The following RALGPS2 variants were observed in gnomAD, a reference collection of about 807,000 sequenced individuals.
RALGPS2 encodes Ral GEF with PH domain and SH3 binding motif 2.
A neutral mutation model predicts 86.8 loss-of-function variants in RALGPS2; 43 were observed. The observed-to-expected ratio is 0.50, with a 90% CI of 0.39 to 0.64. RALGPS2 has a LOEUF of 0.64. Ranked by LOEUF, RALGPS2 falls within the 30% of genes least tolerant of loss-of-function variation. The pLI is 0.00. For synonymous variants in RALGPS2, 243 were observed against 231.3 expected (o/e 1.05, Z -0.46); for missense variants, 536 against 694.6 (o/e 0.77, Z 2.57).
chr1:178,878,821 TTTAAG>T (rs1301439815), intron 9 of RALGPS2, 76 bp from the exon 10 acceptor site: 12 of 1,547,928 alleles, frequency 7.8e-6, no homozygotes, highest in Admixed American at 2.1e-5. Context: ...TTAATTTACC[TTTAAG>T]TTATTTTCAG....
intron 6 of RALGPS2, among the ~76,000 whole-genome samples, chr1:178,818,495 A>G (rs1477644877): frequency 6.6e-6 from 1 of 152,206 alleles, no homozygotes; most frequent in Non-Finnish European, 1.5e-5. Context: ...TGTACTTTGT[A>G]TGGTACAGGC....
At chr1:178,879,127 A>T (rs1163477305) in intron 10 of RALGPS2, 135 bp downstream of exon 10, 12 of 1,249,656 alleles carry the variant, frequency 9.6e-6, no homozygotes, top group Non-Finnish European at 4.2e-6. Flanking sequence ...CAGTAAAGGT[A>T]CTAACATGTA....
intron 1 of RALGPS2, among the ~76,000 whole-genome samples, chr1:178,738,097 C>G (rs1650823095): frequency 6.6e-6 from 1 of 150,702 alleles, no homozygotes; most frequent in Non-Finnish European, 1.5e-5. Flanking sequence ...GATTTTTGAA[C>G]AAGTAGTGAT....
intron 9 of RALGPS2, among the ~76,000 whole-genome samples, chr1:178,878,040 A>G (rs975866453): frequency 2.0e-5 from 3 of 152,142 alleles, no homozygotes; most frequent in Non-Finnish European, 2.9e-5. Flanking sequence ...TCCCTGATCT[A>G]TTATGTAAAT....
rs1656124619 is a variant in RALGPS2 at position 178,833,493 on chromosome 1, A to G, written c.550A>G (p.Lys184Glu). The G allele has an allele frequency of 1.3e-6, 2 of 1,534,042 alleles. No individual in the cohort carries two copies. The highest frequency in any genetic ancestry group is 1.7e-6 in the Non-Finnish European group (2 of 1,152,354). The change falls in exon 8 of 20, where the codon AAA (lysine) becomes GAA (glutamate). Residue 184 changes from lysine to glutamate, a missense_variant. Lys to Glu is a moderately conservative substitution (Grantham distance 56). This residue lies in a region of RALGPS2 where 184 missense variants were observed against 296.7 expected (regional missense o/e 0.62). Coordinates refer to ENST00000367635, the MANE Select transcript of RALGPS2 (RefSeq NM_152663.5). The part of the protein sequence containing the change: ...EYVMSKEDNY[K>E]RLRDYISSLK... ...TGTAATGAGTAAAGAAGATAACTAC[A>G]AAAGACTCAGAGACTATATAAGTAG...
chr1:178,738,923 A>G (rs542998157), intron 1 of RALGPS2, among the ~76,000 whole-genome samples: 61 of 152,238 alleles, frequency 4.0e-4, no homozygotes, highest in African/African-American at 1.3e-3. Context: ...TCCAGTCCTG[A>G]TTTAGATTTC....
At chr1:178,855,109 A>G (rs998953401) in intron 8 of RALGPS2, among the ~76,000 whole-genome samples, 3 of 152,092 alleles carry the variant, frequency 2.0e-5, no homozygotes, top group African/African-American at 7.2e-5. Flanking sequence ...TCTGTACTAT[A>G]AGGATAATAG....
chr1:178,754,230 T>A (rs1354101406), intron 1 of RALGPS2, among the ~76,000 whole-genome samples: 1 of 150,698 alleles, frequency 6.6e-6, no homozygotes, highest in Non-Finnish European at 1.5e-5. Context: ...GTATATATAT[T>A]TTATTATATA....
intron 8 of RALGPS2, among the ~76,000 whole-genome samples, chr1:178,845,150 T>C (rs1052820063): frequency 6.6e-6 from 1 of 152,032 alleles, no homozygotes. Flanking sequence ...ATCAGTAAAT[T>C]GTTGCAGTAC....
At chr1:178,856,200 G>GATATATATATATATAT (rs1348083361) in intron 8 of RALGPS2, among the ~76,000 whole-genome samples, 15 of 40,934 alleles carry the variant, frequency 3.7e-4, no homozygotes, top group African/African-American at 1.1e-3. Context: ...CAGAGAGAGA[G>GATATATATATATATAT]AGATATATAT....
At chr1:178,779,455 G>A (rs1320778463) in intron 2 of RALGPS2, among the ~76,000 whole-genome samples, 1 of 152,110 alleles carries the variant, frequency 6.6e-6, no homozygotes, top group Non-Finnish European at 1.5e-5. Context: ...GCCCCAGCTA[G>A]TTACTTAGGC....
At chr1:178,821,759 T>C (rs1336093097) in intron 7 of RALGPS2, 55 bp downstream of exon 7, 3 of 1,267,280 alleles carry the variant, frequency 2.4e-6, no homozygotes, top group Non-Finnish European at 3.4e-6. Flanking sequence ...AAAGGAAAGA[T>C]ATATTCATTT....
intron 6 of RALGPS2, among the ~76,000 whole-genome samples, chr1:178,821,211 A>G (rs565972513): frequency 6.6e-6 from 1 of 152,348 alleles, no homozygotes; most frequent in African/African-American, 2.4e-5. Context: ...AAACCAAATC[A>G]GAATCCTGGA....
In RALGPS2 at chr1:178,886,050, C is replaced by T. The variant is rs756722160; in HGVS notation, c.1122C>T (p.Ser374=). The change falls in exon 13 of 20, where the codon AGC becomes AGT. Residue 374 remains serine (S), a synonymous_variant. Coordinates refer to ENST00000367635, the MANE Select transcript of RALGPS2 (RefSeq NM_152663.5). Reference sequence around the variant, plus strand: ...GACCAAGACATCTGTTAGATGATAGCGTCATGGAGCCCCATGCGCCATCTC... The same window carrying T: ...GACCAAGACATCTGTTAGATGATAGTGTCATGGAGCCCCATGCGCCATCTC... The part of the protein sequence containing the change: ...NAGPRHLLDD[S]VMEPHAPSRG... 9 of 1,613,310 alleles carry T rather than the reference C, an allele frequency of 5.6e-6. No homozygotes were observed. Among genetic ancestry groups the T allele is most frequent in the South Asian group, 2.2e-5 (2 of 90,974 alleles).
In RALGPS2 at chr1:178,889,699, A is replaced by G. The variant is rs771193258; in HGVS notation, c.1247+3A>G. On this transcript the variant is annotated splice_donor_region_variant and intron_variant, in intron 14 of 19. Transcript: ENST00000367635. ...ACCTCATGGCCTGCTTTTGAAAGGTAAGATAAATTGTCCATTTGAACTACT... is the reference window on the plus strand; with the variant it reads ...ACCTCATGGCCTGCTTTTGAAAGGTGAGATAAATTGTCCATTTGAACTACT... 3 of 1,600,618 alleles carry G rather than the reference A, an allele frequency of 1.9e-6. No individual in the cohort carries two copies. The Admixed American group carries it at 5.1e-5, about 27-fold the overall frequency.
chr1:178,725,303 A>G lies in RALGPS2; in HGVS notation c.-200A>G, dbSNP rs1474896010. 1.8e-5 allele frequency: 3 copies of G among 167,978 alleles called. No homozygotes were observed. Among genetic ancestry groups the G allele is most frequent in the South Asian group, 1.4e-4 (1 of 7,012 alleles). The allele number at this position is 167,978 out of a possible 1,614,324, so 10.4% of individuals were successfully genotyped here. A position where few individuals can be genotyped will look rare whatever the true frequency, so the allele number is the denominator to read the frequency against. ...CGGCGGCTGCTGCGGGCGCTGAATG[A>G]GAGACGGTGACTGTTCGGGTCGACG... On this transcript the variant is annotated 5_prime_UTR_variant, in exon 1 of 20. Transcript: ENST00000367635.
intron 8 of RALGPS2, chr1:178,850,232 T>C (rs1657085110): frequency 6.6e-6 from 1 of 152,634 alleles, no homozygotes; most frequent in Non-Finnish European, 1.5e-5. Flanking sequence ...CTGATTTGAA[T>C]TGCAGATTGG....
intron 8 of RALGPS2, chr1:178,849,614 T>C (rs1334598255): frequency 6.6e-6 from 1 of 151,646 alleles, no homozygotes; most frequent in Non-Finnish European, 1.5e-5. Flanking sequence ...CCAGGAATCT[T>C]ATAACAGATT....
intron 8 of RALGPS2, among the ~76,000 whole-genome samples, chr1:178,842,942 A>G (rs1412106028): frequency 6.7e-6 from 1 of 149,582 alleles, no homozygotes; most frequent in Non-Finnish European, 1.5e-5. Flanking sequence ...GCAAATCAAA[A>G]CCACTATGAG....
Sources: allele counts gnomAD v4.1 joint callset (sites outside exome capture counted in the v4.1 genomes callset), GRCh38; gene constraint gnomAD v4.1.1; regional missense constraint gnomAD v4.1.1; transcripts MANE v1.5; gene names NCBI Gene and HGNC (gene_info 2026-07-23, HGNC 2026-07-21).